Variants in ZNF407 observed in about 807,000 individuals in gnomAD.
ZNF407 encodes zinc finger protein 407.
ZNF407 carries 17 observed loss-of-function variants against 131.2 expected under a neutral mutation model. The ratio of observed to expected loss-of-function variants is 0.13; its 90% CI spans 0.09 to 0.19. The LOEUF is 0.19. Among genes scored for constraint, ZNF407 ranks in the 10% least tolerant of loss-of-function variants. ZNF407 has a pLI of 1.00. For synonymous variants in ZNF407, 1,156 were observed against 1,062.0 expected (o/e 1.09, Z -1.72); for missense variants, 2,681 against 2,830.6 (o/e 0.95, Z 1.20).
intron 3 of ZNF407, among the ~76,000 whole-genome samples, chr18:74,649,095 A>G (rs1247844307): frequency 6.6e-6 from 1 of 152,242 alleles, no homozygotes; most frequent in Non-Finnish European, 1.5e-5. Flanking sequence ...CAAGCACTGT[A>G]GAATATGCTA....
At chr18:74,935,880 T>G (rs1489115408) in intron 8 of ZNF407, among the ~76,000 whole-genome samples, 2 of 152,184 alleles carry the variant, frequency 1.3e-5, no homozygotes, top group Non-Finnish European at 2.9e-5. Flanking sequence ...AGGTTTCTGT[T>G]TGTTGTCTTT....
At position 75,063,828 on chromosome 18, in the gene ZNF407, A is replaced by T; in HGVS notation, c.6107A>T (p.Glu2036Val). ...GTCTCCCATGTGGCTGCCGACCCCG[A>T]GGCCCCCGAGATCCAGATGTTCCCA... ...QEVSHVAADP[E>V]APEIQMFPQA... is the part of the protein sequence containing the mutation. Residue 2036 changes from glutamate to valine, a missense_variant, in exon 9 of 9, where the codon GAG becomes GTG. Around this residue, in one of 6 missense-constraint regions of ZNF407, gnomAD observed 620 missense variants for 583.1 expected, o/e 1.06. Transcript: ENST00000299687. This position sits in a 1 kb window ranked among gnomAD's most constrained non-coding sequence, Gnocchi z 6.6. 6.2e-7 allele frequency: 1 copy of T among 1,606,926 alleles called. No individual in the cohort carries two copies. The highest frequency in any genetic ancestry group is 8.5e-7 in the Non-Finnish European group (1 of 1,178,866).
At chr18:74,684,833 C>T (rs479918) in intron 3 of ZNF407, among the ~76,000 whole-genome samples, 105,199 of 152,022 alleles carry the variant, frequency 0.69, 37,272 homozygotes, top group East Asian at 0.86. Context: ...CTCCCAAGAA[C>T]ATATCAGAAC....
At chr18:74,791,161 C>T (rs949563911) in intron 4 of ZNF407, among the ~76,000 whole-genome samples, 4 of 152,276 alleles carry the variant, frequency 2.6e-5, no homozygotes, top group South Asian at 4.1e-4. Flanking sequence ...TACAAGATGT[C>T]TGACTGTCAT....
chr18:74,816,307 A>G (rs552235690), intron 4 of ZNF407, among the ~76,000 whole-genome samples: 47 of 152,298 alleles, frequency 3.1e-4, no homozygotes, highest in African/African-American at 1.1e-3. Flanking sequence ...TTTCTTTCCA[A>G]AATTAAGATT....
intron 8 of ZNF407, among the ~76,000 whole-genome samples, chr18:74,972,810 T>G (rs1343099729): frequency 6.6e-6 from 1 of 152,240 alleles, no homozygotes; most frequent in Non-Finnish European, 1.5e-5. Context: ...TTTTATCCTT[T>G]TACTTTCAAG....
chr18:74,911,532 GT>G (rs1327223769), intron 7 of ZNF407, among the ~76,000 whole-genome samples: 2 of 152,068 alleles, frequency 1.3e-5, no homozygotes, highest in African/African-American at 4.8e-5. Flanking sequence ...TAATTCAACT[GT>G]TTTGTGTTGT....
intron 3 of ZNF407, among the ~76,000 whole-genome samples, chr18:74,647,850 C>T (rs1334805031): frequency 3.3e-5 from 5 of 152,036 alleles, no homozygotes; most frequent in Admixed American, 2.0e-4. Flanking sequence ...GCTGGGAGGA[C>T]GAGCTCTGCT....
At chr18:74,655,007 T>C (rs945568783) in intron 3 of ZNF407, among the ~76,000 whole-genome samples, 1 of 151,976 alleles carries the variant, frequency 6.6e-6, no homozygotes, top group Non-Finnish European at 1.5e-5. Context: ...TAAAAAGTGG[T>C]ATTTTACTTT....
intron 2 of ZNF407, among the ~76,000 whole-genome samples, chr18:74,639,899 T>C (rs1474163538): frequency 4.6e-5 from 7 of 152,122 alleles, no homozygotes; most frequent in African/African-American, 1.7e-4. Context: ...ACAAGGACAC[T>C]GCACAAAGGT....
chr18:74,826,789 C>T lies in ZNF407; in HGVS notation c.4877+45287C>T, dbSNP rs202115983. On this transcript the variant is annotated intron_variant, in intron 4 of 8. Transcript: ENST00000299687. Reference sequence around the variant, plus strand: ...TCTTCACTGGCAGCATGAGGGTTAACGTACAGTAAGCAGCGATGTCATCTT... The same window carrying T: ...TCTTCACTGGCAGCATGAGGGTTAATGTACAGTAAGCAGCGATGTCATCTT... Among the ~76,000 whole-genome samples, 3 of 152,136 alleles carry T rather than the reference C, an allele frequency of 2.0e-5. No homozygotes were observed. The East Asian group carries it at 5.8e-4, about 29-fold the overall frequency.
chr18:74,912,992 T>A (rs906430495), intron 7 of ZNF407, among the ~76,000 whole-genome samples: 2 of 152,158 alleles, frequency 1.3e-5, no homozygotes, highest in Non-Finnish European at 2.9e-5. Flanking sequence ...ACCTTAAAAA[T>A]TAAAACTCCA....
chr18:74,823,326 G>A (rs11872397), intron 4 of ZNF407, among the ~76,000 whole-genome samples: 38,024 of 152,018 alleles, frequency 0.25, 5,111 homozygotes, highest in African/African-American at 0.31. Flanking sequence ...TAACCAGCTA[G>A]CATCATTATG....
At chr18:74,608,371 CAG>C (rs1229550892) in intron 1 of ZNF407, among the ~76,000 whole-genome samples, 3 of 115,960 alleles carry the variant, frequency 2.6e-5, no homozygotes, top group Admixed American at 7.6e-5. Context: ...TTTTTGGAAA[CAG>C]AGTCTTGCTC....
Position 74,634,696 on chromosome 18 carries a change from T to G in ZNF407, c.3677T>G (p.Leu1226Arg), listed in dbSNP as rs1264106826. The G allele has an allele frequency of 6.2e-7, 1 of 1,614,034 alleles. No homozygotes were observed. The highest frequency in any genetic ancestry group is 1.3e-5 in the African/African-American group (1 of 75,052). ...GAGATATCGAATGATGCAGGTGAGCTGCGTGTCCATTGTGAGGGTGAAGGA... is the reference window on the plus strand; with the variant it reads ...GAGATATCGAATGATGCAGGTGAGCGGCGTGTCCATTGTGAGGGTGAAGGA... ...NHEISNDAGE[L>R]RVHCEGEGGN... Residue 1226 changes from leucine to arginine, a missense_variant, in exon 2 of 9, where the codon CTG (leucine) becomes CGG (arginine). Transcript: ENST00000299687.
intron 7 of ZNF407, among the ~76,000 whole-genome samples, chr18:74,901,734 T>G (rs1252108226): frequency 6.6e-6 from 1 of 152,216 alleles, no homozygotes; most frequent in African/African-American, 2.4e-5. Flanking sequence ...AATGATGTTA[T>G]TAATGCAATG....
intron 1 of ZNF407, among the ~76,000 whole-genome samples, chr18:74,618,995 T>C (rs1983419985): frequency 1.3e-5 from 2 of 152,336 alleles, no homozygotes; most frequent in South Asian, 4.1e-4. Context: ...AGTTTTTGTC[T>C]TTTATCCCCT....
chr18:74,880,176 GC>G (rs1310197004), intron 5 of ZNF407, among the ~76,000 whole-genome samples: 1 of 152,070 alleles, frequency 6.6e-6, no homozygotes, highest in African/African-American at 2.4e-5. Flanking sequence ...GGGATGATCT[GC>G]CTAGCTGGCC....
intron 6 of ZNF407, among the ~76,000 whole-genome samples, 184 bp from the exon 7 acceptor site, chr18:74,889,734 G>T (rs1971358927): frequency 6.6e-6 from 1 of 152,036 alleles, no homozygotes; most frequent in Admixed American, 6.6e-5. Context: ...AAAAATCAAT[G>T]ATATCTTCTA....
Sources: allele counts gnomAD v4.1 joint callset (sites outside exome capture counted in the v4.1 genomes callset), GRCh38; gene constraint gnomAD v4.1.1; regional missense constraint gnomAD v4.1.1; non-coding constraint Gnocchi (gnomAD v3.1); transcripts MANE v1.5; gene names NCBI Gene and HGNC (gene_info 2026-07-23, HGNC 2026-07-21).